The following CHN2 variants were observed in gnomAD, a reference collection of about 807,000 sequenced individuals.
The protein encoded by CHN2 is chimerin 2.
In CHN2, 35 loss-of-function variants were observed where a neutral mutation model predicts 56.3. The observed-to-expected ratio is 0.62, with a 90% CI of 0.47 to 0.82. The LOEUF is 0.82. Among genes scored for constraint, CHN2 ranks in the 40% least tolerant of loss-of-function variants. The pLI, the probability that CHN2 is intolerant of heterozygous loss-of-function variation, is 0.00. For synonymous variants in CHN2, 210 were observed against 212.8 expected, an observed-to-expected ratio of 0.99 and a Z score of 0.12; for missense variants, 491 against 580.5, an observed-to-expected ratio of 0.85 and a Z score of 1.58.
At chr7:29,507,848 T>A (rs887827801) in intron 11 of CHN2, among the ~76,000 whole-genome samples, 2 of 152,212 alleles carry the variant, frequency 1.3e-5, no homozygotes, top group African/African-American at 4.8e-5. Flanking sequence ...TATAATGTTT[T>A]AAGGTTTACA....
rs538037204 is a variant in CHN2, at chr7:29,426,902, C to CT, written c.576+26076dup. ...ATTGCTCCCGGTGGCTCCCATCTTC[C>CT]TTCTCACATGGTCCCTCCGTCATCA... On this transcript the variant is annotated intron_variant, in intron 6 of 12. Transcript: ENST00000222792. Among the ~76,000 whole-genome samples the CT allele has an allele frequency of 7.1e-4, 108 of 152,308 alleles. 2 individuals carry two copies. Among genetic ancestry groups the CT allele is most frequent in the African/African-American group, 2.5e-3 (106 of 41,576 alleles).
At chr7:29,498,046 G>A (rs1463592121) in intron 8 of CHN2, among the ~76,000 whole-genome samples, 1 of 152,120 alleles carries the variant, frequency 6.6e-6, no homozygotes, top group Non-Finnish European at 1.5e-5. Context: ...TGGTTAAAAT[G>A]ATAAATTTAT....
intron 1 of CHN2, among the ~76,000 whole-genome samples, chr7:29,211,980 C>G (rs1372222331): frequency 6.6e-6 from 1 of 152,168 alleles, no homozygotes; most frequent in Non-Finnish European, 1.5e-5. Context: ...ATGATCGCAT[C>G]ATAGCCTGGT....
chr7:29,181,594 A>G (rs1307231624), intron 2 of CHN2, among the ~76,000 whole-genome samples: 1 of 152,346 alleles, frequency 6.6e-6, no homozygotes, highest in East Asian at 1.9e-4. Context: ...TCACATTAGG[A>G]ATCTATAAGA....
intron 6 of CHN2, among the ~76,000 whole-genome samples, chr7:29,430,104 G>T (rs887914229): frequency 6.6e-6 from 1 of 152,172 alleles, no homozygotes; most frequent in Non-Finnish European, 1.5e-5. Flanking sequence ...GAGTTTAAAG[G>T]TAGCAAATCT....
At chr7:29,507,656 T>C (rs556221060) in intron 11 of CHN2, among the ~76,000 whole-genome samples, 1 of 152,306 alleles carries the variant, frequency 6.6e-6, no homozygotes, top group East Asian at 1.9e-4. Flanking sequence ...TGAATATTTC[T>C]GTAGCAGAAA....
intron 3 of CHN2, among the ~76,000 whole-genome samples, chr7:29,386,160 T>C (rs772955458): frequency 6.6e-6 from 1 of 152,242 alleles, no homozygotes; most frequent in Non-Finnish European, 1.5e-5. Flanking sequence ...TTTTAGAGTC[T>C]GCTCAATTTT....
intron 7 of CHN2, among the ~76,000 whole-genome samples, chr7:29,486,753 C>G (rs1005204450): frequency 6.6e-6 from 1 of 152,106 alleles, no homozygotes; most frequent in African/African-American, 2.4e-5. Context: ...CAACATGCAA[C>G]CCCCACCCCG....
intron 1 of CHN2, among the ~76,000 whole-genome samples, chr7:29,278,613 G>C (rs971379844): frequency 2.6e-5 from 4 of 152,144 alleles, no homozygotes; most frequent in African/African-American, 9.7e-5. Flanking sequence ...TCTTGGGAGA[G>C]CCCTGGGCAC....
chr7:29,247,979 C>T (rs1337719431), intron 1 of CHN2, among the ~76,000 whole-genome samples: 1 of 152,206 alleles, frequency 6.6e-6, no homozygotes, highest in Non-Finnish European at 1.5e-5. Flanking sequence ...GCAGTGATGC[C>T]AGAGTAGGCC....
chr7:29,408,985 A>G (rs1802923270), intron 6 of CHN2, among the ~76,000 whole-genome samples: 1 of 152,196 alleles, frequency 6.6e-6, no homozygotes, highest in Non-Finnish European at 1.5e-5. Flanking sequence ...TGCTGATGAC[A>G]CAAAGGACCA....
At chr7:29,485,867 G>GATCT (rs1188164249) in intron 7 of CHN2, among the ~76,000 whole-genome samples, 1 of 151,992 alleles carries the variant, frequency 6.6e-6, no homozygotes, top group Non-Finnish European at 1.5e-5. Flanking sequence ...TCTGCATGGG[G>GATCT]ATCTGCATCA....
intron 6 of CHN2, among the ~76,000 whole-genome samples, chr7:29,477,295 G>A (rs1483349724): frequency 2.6e-5 from 4 of 152,050 alleles, no homozygotes; most frequent in African/African-American, 9.7e-5. Context: ...AAATTCTATT[G>A]AATCAATAGC....
intron 2 of CHN2, among the ~76,000 whole-genome samples, chr7:29,161,291 G>A (rs947079593): frequency 6.6e-6 from 1 of 152,058 alleles, no homozygotes; most frequent in Non-Finnish European, 1.5e-5. Flanking sequence ...TTTGAACCCC[G>A]TTACCAAGTG....
chr7:29,271,965 AT>A (rs1343202151), intron 1 of CHN2, among the ~76,000 whole-genome samples: 2 of 152,138 alleles, frequency 1.3e-5, no homozygotes, highest in African/African-American at 4.8e-5. Context: ...GTAGTTCTTT[AT>A]AGGTGAAATC....
chr7:29,379,151 G>A (rs954637561), intron 3 of CHN2, among the ~76,000 whole-genome samples: 7 of 152,230 alleles, frequency 4.6e-5, no homozygotes, highest in African/African-American at 1.4e-4. Context: ...GCCATGTTGA[G>A]AGATGACTTG....
chr7:29,479,579 A>G, intron 6 of CHN2: 1 of 785,106 alleles, frequency 1.3e-6, no homozygotes, highest in South Asian at 5.4e-5. Flanking sequence ...TACCCCTATA[A>G]GATTAAACAG....
intron 2 of CHN2, among the ~76,000 whole-genome samples, chr7:29,364,561 A>C (rs1798996904): frequency 6.6e-6 from 1 of 152,218 alleles, no homozygotes; most frequent in Admixed American, 6.5e-5. Flanking sequence ...CCTGCTAAAA[A>C]GCAGCTTAGT....
chr7:29,215,464 G>T (rs899322708), intron 1 of CHN2, among the ~76,000 whole-genome samples: 4 of 152,158 alleles, frequency 2.6e-5, no homozygotes, highest in Admixed American at 2.0e-4. Context: ...TTAGCCTGGA[G>T]CCAGAACTGT....
Sources: allele counts gnomAD v4.1 joint callset (sites outside exome capture counted in the v4.1 genomes callset), GRCh38; gene constraint gnomAD v4.1.1; transcripts MANE v1.5; gene names NCBI Gene and HGNC (gene_info 2026-07-23, HGNC 2026-07-21).